The following NPAS3 variants were observed in gnomAD, a reference collection of about 807,000 sequenced individuals.
NPAS3 encodes the protein neuronal PAS domain-containing protein 3.
NPAS3 carries 14 observed loss-of-function variants against 73.1 expected under a neutral mutation model. The ratio of observed to expected loss-of-function variants is 0.19; its 90% confidence interval spans 0.13 to 0.30. The LOEUF is 0.30. Among genes scored for constraint, NPAS3 ranks in the 10% least tolerant of loss-of-function variants. The pLI is 1.00. For missense variants in NPAS3, 1,096 were observed against 1,250.0 expected, an observed-to-expected ratio of 0.88 and a Z score of 1.86; for synonymous variants, 620 against 541.5, an observed-to-expected ratio of 1.14 and a Z score of -2.01.
intron 2 of NPAS3, among the ~76,000 whole-genome samples, chr14:33,128,046 C>T (rs1330560808): frequency 6.6e-6 from 1 of 152,056 alleles, no homozygotes; most frequent in Admixed American, 6.6e-5. Context: ...ATTTTATTTT[C>T]TTTCAATTCT....
intron 9 of NPAS3, among the ~76,000 whole-genome samples, chr14:33,786,121 T>C (rs1389762424): frequency 1.3e-5 from 2 of 152,208 alleles, no homozygotes; most frequent in Non-Finnish European, 2.9e-5. Flanking sequence ...AGGTTTATTC[T>C]CCTGGGATTT....
At chr14:33,725,582 A>C (rs2061242381) in intron 6 of NPAS3, among the ~76,000 whole-genome samples, 1 of 152,156 alleles carries the variant, frequency 6.6e-6, no homozygotes, top group Non-Finnish European at 1.5e-5. Context: ...CTCTGAACAA[A>C]GCCCCTACTG....
chr14:33,680,669 G>A (rs766853342), intron 6 of NPAS3: 41 of 702,276 alleles, frequency 5.8e-5, no homozygotes, highest in Non-Finnish European at 3.9e-5. Flanking sequence ...GAACATGCCT[G>A]GATCCTACTT....
At chr14:33,260,550 C>T (rs2048937810) in intron 3 of NPAS3, among the ~76,000 whole-genome samples, 1 of 152,146 alleles carries the variant, frequency 6.6e-6, no homozygotes, top group Non-Finnish European at 1.5e-5. Flanking sequence ...GCTACTTTTT[C>T]AATCACCTGG....
chr14:33,602,398 A>G (rs1452941143), intron 5 of NPAS3, among the ~76,000 whole-genome samples: 2 of 152,184 alleles, frequency 1.3e-5, no homozygotes, highest in Non-Finnish European at 2.9e-5. Context: ...GTTGCCTGTT[A>G]TCAGGAGTAG....
rs116792516 is a variant in NPAS3 at position 33,606,673 on chromosome 14, C to A, written c.558+46463C>A. Among the ~76,000 whole-genome samples, 1,200 of 152,196 alleles carry A rather than the reference C, an allele frequency of 7.9e-3. 17 individuals are homozygous for A. The highest frequency in any genetic ancestry group is 0.028 in the African/African-American group (1,156 of 41,536). On this transcript the variant is annotated intron_variant, in intron 5 of 11. Transcript: ENST00000356141. ...AGAAAACGTGAGAAAACTTTTGTGA[C>A]CTTCGGTTAGATAAAGATGTCCTAA...
chr14:33,453,669 A>G (rs10083319), intron 4 of NPAS3, among the ~76,000 whole-genome samples: 1,935 of 152,308 alleles, frequency 0.013, 34 homozygotes, highest in African/African-American at 0.044. Context: ...TTCTGATTTC[A>G]CCAGTTCGGA....
At chr14:33,057,355 T>C (rs984335494) in intron 2 of NPAS3, among the ~76,000 whole-genome samples, 2 of 152,214 alleles carry the variant, frequency 1.3e-5, no homozygotes, top group Non-Finnish European at 2.9e-5. Context: ...TTGTGGCTCT[T>C]GGTGGCCAGG....
intron 3 of NPAS3, among the ~76,000 whole-genome samples, chr14:33,222,968 C>T (rs1325089550): frequency 1.3e-5 from 2 of 152,088 alleles, no homozygotes; most frequent in Non-Finnish European, 2.9e-5. Flanking sequence ...CTGCTAGTCC[C>T]TGCCCTGTGG....
At position 33,458,644 on chromosome 14, in the gene NPAS3, A is replaced by G. The variant is rs903020725; in HGVS notation, c.468+91376A>G. ...GAAATGAGATTTCACTTTAAAAAGC[A>G]GTTGCAGTTGTGCTGTCTATCGTTC... On this transcript the variant is annotated intron_variant, in intron 4 of 11. Transcript: ENST00000356141. Among the ~76,000 whole-genome samples, 42 of 152,236 alleles carry G rather than the reference A, an allele frequency of 2.8e-4. 1 individual carries two copies. The highest frequency in any genetic ancestry group is 2.7e-3 in the Admixed American group (42 of 15,290).
At chr14:33,002,206 A>G (rs2038833285) in intron 1 of NPAS3, among the ~76,000 whole-genome samples, 1 of 152,188 alleles carries the variant, frequency 6.6e-6, no homozygotes, top group African/African-American at 2.4e-5. Flanking sequence ...TCATGTCGAT[A>G]GTTAAGATCC....
At chr14:33,230,984 G>T (rs1401819425) in intron 3 of NPAS3, among the ~76,000 whole-genome samples, 1 of 152,130 alleles carries the variant, frequency 6.6e-6, no homozygotes, top group Non-Finnish European at 1.5e-5. Flanking sequence ...CTCTACCAAT[G>T]CAGATACGCT....
chr14:32,940,536 T>C (rs1334009793), intron 1 of NPAS3, among the ~76,000 whole-genome samples: 1 of 152,208 alleles, frequency 6.6e-6, no homozygotes, highest in Non-Finnish European at 1.5e-5. Context: ...GTAGGAAGTA[T>C]GAAACGTCAC....
At chr14:33,676,468 C>G in intron 6 of NPAS3, 83 bp downstream of exon 6, 1 of 1,185,986 alleles carries the variant, frequency 8.4e-7, no homozygotes, top group South Asian at 1.6e-5. Flanking sequence ...TGTGAAGAGA[C>G]TATAAATAGG....
intron 3 of NPAS3, among the ~76,000 whole-genome samples, chr14:33,348,400 C>T (rs2044852478): frequency 6.6e-6 from 1 of 151,936 alleles, no homozygotes; most frequent in African/African-American, 2.4e-5. Context: ...GTCTTTAAAC[C>T]CTATGTAGAT....
intron 4 of NPAS3, among the ~76,000 whole-genome samples, chr14:33,464,844 C>T (rs1403172699): frequency 6.6e-6 from 1 of 152,188 alleles, no homozygotes; most frequent in East Asian, 1.9e-4. Context: ...AAGGCTTGGG[C>T]TCCTCTGGCA....
Position 33,800,636 on chromosome 14 carries a change from G to A in NPAS3, c.2329G>A (p.Gly777Ser), listed in dbSNP as rs1168372419. The A allele has an allele frequency of 2.9e-6, 4 of 1,395,414 alleles. 1 individual carries two copies. The Admixed American group carries it at 1.1e-4, about 40-fold the overall frequency. The allele number at this position is 1,395,414 out of a possible 1,614,324, so 86.4% of individuals were successfully genotyped here. ...CGGGGGCGGCGGCGCGGGGGGCGGC[G>A]GCCCCAGCGCGTCCAACTCCTTGCT... The change falls in exon 12 of 12, where the codon GGC (glycine) becomes AGC (serine). Residue 777 changes from glycine to serine, a missense_variant. Transcript: ENST00000356141. The surrounding 1 kb of genome is among the most constrained non-coding windows in gnomAD (Gnocchi z 6.5).
intron 2 of NPAS3, among the ~76,000 whole-genome samples, chr14:33,196,244 CCTGT>C (rs780430729): frequency 2.0e-5 from 3 of 152,150 alleles, no homozygotes; most frequent in Non-Finnish European, 4.4e-5. Flanking sequence ...TTCCAGATGA[CCTGT>C]CTTTCAATTT....
chr14:33,738,729 T>C (rs1030160824), intron 7 of NPAS3, among the ~76,000 whole-genome samples: 27 of 152,228 alleles, frequency 1.8e-4, no homozygotes, highest in Non-Finnish European at 3.4e-4. Flanking sequence ...TAGCATGTTA[T>C]CCGGACCAGC....
Sources: allele counts gnomAD v4.1 joint callset (sites outside exome capture counted in the v4.1 genomes callset), GRCh38; gene constraint gnomAD v4.1.1; non-coding constraint Gnocchi (gnomAD v3.1); transcripts MANE v1.5; gene names NCBI Gene and HGNC (gene_info 2026-07-23, HGNC 2026-07-21).